Variants in SMARCA2 observed in about 807,000 individuals in gnomAD.
SMARCA2 encodes SWI/SNF-related matrix-associated actin-dependent regulator of chromatin subfamily A member 2.
A neutral mutation model predicts 199.8 loss-of-function variants in SMARCA2; 61 were observed. That is an observed-to-expected ratio of 0.31 (90% confidence interval 0.25 to 0.38). The LOEUF (loss-of-function observed/expected upper bound fraction) is 0.38. Among genes scored for constraint, SMARCA2 ranks in the 10% least tolerant of loss-of-function variants. SMARCA2 has a pLI of 1.00. For missense variants in SMARCA2, 1,344 were observed against 2,012.2 expected, an observed-to-expected ratio of 0.67 and a Z score of 6.35; for synonymous variants, 935 against 732.0, an observed-to-expected ratio of 1.28 and a Z score of -4.48.
At chr9:2,142,241 C>G (rs978288161) in intron 27 of SMARCA2, among the ~76,000 whole-genome samples, 2 of 152,284 alleles carry the variant, frequency 1.3e-5, no homozygotes, top group African/African-American at 4.8e-5. Flanking sequence ...AAAATGACAT[C>G]AAATTTAAAG....
chr9:2,107,798 T>C (rs867643292), intron 23 of SMARCA2, among the ~76,000 whole-genome samples: 2 of 152,172 alleles, frequency 1.3e-5, no homozygotes. Context: ...TTATATCTTA[T>C]GTTACTGGCC....
At chr9:2,101,210 T>C (rs1389765049) in intron 21 of SMARCA2, among the ~76,000 whole-genome samples, 1 of 152,126 alleles carries the variant, frequency 6.6e-6, no homozygotes, top group Non-Finnish European at 1.5e-5. Context: ...TTTTGTGCTC[T>C]TCTAGTCTAG....
At chr9:2,053,821 G>T (rs1820234439) in intron 5 of SMARCA2, among the ~76,000 whole-genome samples, 1 of 152,134 alleles carries the variant, frequency 6.6e-6, no homozygotes, top group Non-Finnish European at 1.5e-5. Flanking sequence ...CCAAGTGAAT[G>T]GCTAAAGTCA....
Position 2,032,943 on chromosome 9 carries a change from A to T in SMARCA2, c.226-9A>T. ...GAGGTGTCTAACTAATGTCCTTTAA[A>T]TGTTTCAGCCCATCGATGGTATACA... On this transcript the variant is annotated splice_polypyrimidine_tract_variant and intron_variant, in intron 2 of 33. Transcript: ENST00000349721. 6.2e-7 allele frequency: 1 copy of T among 1,613,046 alleles called. No individual in the cohort carries two copies. The highest frequency in any genetic ancestry group is 8.5e-7 in the Non-Finnish European group (1 of 1,179,348).
chr9:2,033,293 C>G (rs747564112), intron 3 of SMARCA2: 7 of 508,740 alleles, frequency 1.4e-5, no homozygotes, highest in Admixed American at 7.3e-5. Flanking sequence ...AGTAATTTTA[C>G]TAGCCACCAT....
intron 1 of SMARCA2, among the ~76,000 whole-genome samples, chr9:2,018,722 A>C (rs530110213): frequency 2.0e-5 from 3 of 152,362 alleles, no homozygotes; most frequent in Admixed American, 2.0e-4. Context: ...CCAACCACCA[A>C]AGACTCAGAA....
chr9:2,094,833 T>C (rs142292560), intron 19 of SMARCA2, among the ~76,000 whole-genome samples: 16 of 152,296 alleles, frequency 1.1e-4, no homozygotes, highest in African/African-American at 3.9e-4. Context: ...ATATTAGTCC[T>C]TGATGTCATT....
chr9:2,156,298 C>A (rs1825354753), intron 27 of SMARCA2, among the ~76,000 whole-genome samples: 1 of 151,524 alleles, frequency 6.6e-6, no homozygotes, highest in African/African-American at 2.4e-5. Context: ...CATGTATGAA[C>A]CTGCAGTTGT....
At chr9:2,187,572 G>C (rs1827558205) in intron 32 of SMARCA2, among the ~76,000 whole-genome samples, 1 of 152,080 alleles carries the variant, frequency 6.6e-6, no homozygotes, top group Non-Finnish European at 1.5e-5. Context: ...CAGCTACTCA[G>C]GAAGCTGAGG....
intron 27 of SMARCA2, among the ~76,000 whole-genome samples, chr9:2,135,841 C>A (rs1824170563): frequency 6.6e-6 from 1 of 151,842 alleles, no homozygotes; most frequent in African/African-American, 2.4e-5. Context: ...CAGCACCCAG[C>A]AACTTTTACT....
At chr9:2,189,754 G>C (rs1459298262) in intron 32 of SMARCA2, among the ~76,000 whole-genome samples, 1 of 151,932 alleles carries the variant, frequency 6.6e-6, no homozygotes, top group Non-Finnish European at 1.5e-5. Flanking sequence ...TTGTGTATTA[G>C]GATTTGGAAT....
chr9:2,054,754 G>A, intron 6 of SMARCA2, 31 bp downstream of exon 6: 1 of 1,611,066 alleles, frequency 6.2e-7, no homozygotes. Flanking sequence ...AATCTGAGAT[G>A]TAGGAAATAA....
rs1312387420 is a variant in SMARCA2 at position 2,123,874 on chromosome 9, G to A, written c.3918G>A (p.Arg1306=). 1.7e-5 allele frequency: 27 copies of A among 1,603,858 alleles called. No homozygotes were observed. The highest frequency in any genetic ancestry group is 2.3e-5 in the Non-Finnish European group (27 of 1,175,536). The change falls in exon 27 of 34, where the codon AGG becomes AGA. Residue 1306 remains arginine, a synonymous_variant. Coordinates refer to ENST00000349721, the MANE Select transcript of SMARCA2 (RefSeq NM_003070.5). The surrounding 1 kb of genome is among the most constrained non-coding windows in gnomAD (Gnocchi z 4.1). ...AAGAGGAGGAGAAAATATTTGGGAGGGGGTCCCGCCAGCGCCGTGACGTGG... is the reference window on the plus strand; with the variant it reads ...AAGAGGAGGAGAAAATATTTGGGAGAGGGTCCCGCCAGCGCCGTGACGTGG... ...CEEEEEKIFG[R]GSRQRRDVDY... is the part of the protein sequence containing the mutation.
chr9:2,088,371 C>T, intron 18 of SMARCA2, 129 bp from the exon 19 acceptor site: 1 of 1,049,782 alleles, frequency 9.5e-7, no homozygotes, highest in Non-Finnish European at 1.3e-6. Context: ...ATATGACAGG[C>T]TTAAACTTGG....
At chr9:2,020,887 T>A (rs778419797) in intron 1 of SMARCA2, among the ~76,000 whole-genome samples, 16 of 152,210 alleles carry the variant, frequency 1.1e-4, no homozygotes, top group Non-Finnish European at 1.5e-4. Context: ...AGATATGGAA[T>A]ACAAGATTTT....
intron 27 of SMARCA2, among the ~76,000 whole-genome samples, chr9:2,157,173 T>C (rs1037510402): frequency 6.6e-6 from 1 of 152,140 alleles, no homozygotes; most frequent in Non-Finnish European, 1.5e-5. Context: ...TGTAAGAAAA[T>C]CTCTCATATA....
chr9:2,017,133 T>TCGCTTC lies in SMARCA2; in HGVS notation c.-37+1732_-37+1733insTTCCGC, dbSNP rs1818388304. The TCGCTTC allele has an allele frequency of 6.6e-6, 1 of 152,200 alleles. No individual in the cohort carries two copies. Among genetic ancestry groups the TCGCTTC allele is most frequent in the Non-Finnish European group, 1.5e-5 (1 of 68,190 alleles). 9.4% of individuals were successfully genotyped at this position (152,200 alleles called of 1,614,324 possible). A position where few individuals can be genotyped will look rare whatever the true frequency, so the allele number is the denominator to read the frequency against. The stretch of plus-strand genomic sequence containing the variant: ...TCGCCTCCTGCCAGTGTCTGATCGC[T>TCGCTTC]CGCCTCCGCCTCCGCCTCTGCCGCC... On this transcript the variant is annotated intron_variant, in intron 1 of 33. Coordinates refer to ENST00000349721, the MANE Select transcript of SMARCA2 (RefSeq NM_003070.5). This position sits in a 1 kb window ranked among gnomAD's most constrained non-coding sequence, Gnocchi z 8.8.
At position 2,168,678 on chromosome 9, in the gene SMARCA2, C is replaced by T. The variant is rs185322272; in HGVS notation, c.4200-1741C>T. 8.5e-4 allele frequency among the ~76,000 whole-genome samples: 129 copies of T among 152,276 alleles called. 3 individuals are homozygous for T. The highest frequency in any genetic ancestry group is 7.5e-3 in the Admixed American group (114 of 15,302). ...ATACTGTCTTTCTAAAATAAGTTTT[C>T]GTAACAAACATTTTAAACCAAATCT... On this transcript the variant is annotated intron_variant, in intron 28 of 33. Coordinates refer to ENST00000349721, the MANE Select transcript of SMARCA2 (RefSeq NM_003070.5).
intron 27 of SMARCA2, among the ~76,000 whole-genome samples, chr9:2,134,211 A>G (rs1824094564): frequency 1.3e-5 from 2 of 152,258 alleles, no homozygotes; most frequent in African/African-American, 2.4e-5. Context: ...TTGGGAATCA[A>G]GAAGCTCCTT....
Sources: allele counts gnomAD v4.1 joint callset (sites outside exome capture counted in the v4.1 genomes callset), GRCh38; gene constraint gnomAD v4.1.1; non-coding constraint Gnocchi (gnomAD v3.1); transcripts MANE v1.5; gene names NCBI Gene and HGNC (gene_info 2026-07-23, HGNC 2026-07-21).